Variants in ANKRD30BL observed in about 807,000 individuals in gnomAD.
ANKRD30BL encodes ankyrin repeat domain 30B like.
A neutral mutation model predicts 18.4 loss-of-function variants in ANKRD30BL; 20 were observed. The ratio of observed to expected loss-of-function variants is 1.09; its 90% CI spans 0.77 to 1.58. ANKRD30BL has a LOEUF of 1.58. Among genes scored for constraint, ANKRD30BL ranks in the 40% most tolerant of loss-of-function variants. The probability of loss-of-function intolerance (pLI) is 0.00; values close to 1 mark genes in which losing one functional copy is unlikely to be tolerated. For missense variants in ANKRD30BL, 224 were observed against 268.6 expected (o/e 0.83, Z 1.16); for synonymous variants, 72 against 100.9 (o/e 0.71, Z 1.72).
chr2:132,164,576 C>T (rs2104936486), upstream of ANKRD30BL, among the ~76,000 whole-genome samples: 1 of 151,518 alleles, frequency 6.6e-6, no homozygotes, highest in Non-Finnish European at 1.5e-5. Context: ...CAGATGTGAG[C>T]CACCACAGAA....
At chr2:132,250,997 G>A (rs11680134) in intron 1 of ANKRD30BL, among the ~76,000 whole-genome samples, 182 of 152,156 alleles carry the variant, frequency 1.2e-3, no homozygotes, top group African/African-American at 3.6e-3. Context: ...GGCACGTCAG[G>A]AAAAGGCTAA....
chr2:132,167,028 T>C (rs1168866644), intron 1 of ANKRD30BL, among the ~76,000 whole-genome samples: 3 of 151,138 alleles, frequency 2.0e-5, no homozygotes, highest in Non-Finnish European at 3.0e-5. Context: ...TGTTTAGTCT[T>C]CTTTTGGGAT....
At chr2:132,228,641 T>G (rs1436230142) in intron 1 of ANKRD30BL, among the ~76,000 whole-genome samples, 1 of 151,080 alleles carries the variant, frequency 6.6e-6, no homozygotes, top group Non-Finnish European at 1.5e-5. Flanking sequence ...GAAATTTCTT[T>G]GTGATGTGTG....
At chr2:132,203,358 G>A (rs1403498201) in intron 1 of ANKRD30BL, among the ~76,000 whole-genome samples, 2 of 152,126 alleles carry the variant, frequency 1.3e-5, no homozygotes, top group Non-Finnish European at 2.9e-5. Context: ...AAAGTGACTT[G>A]TAACTTTTAA....
chr2:132,235,347 G>A (rs142944714), intron 1 of ANKRD30BL, among the ~76,000 whole-genome samples: 8 of 152,236 alleles, frequency 5.3e-5, no homozygotes, highest in African/African-American at 1.4e-4. Context: ...GGGCAACTAG[G>A]CAGGAGAAGG....
intron 1 of ANKRD30BL, among the ~76,000 whole-genome samples, chr2:132,191,366 A>G (rs1462859395): frequency 2.6e-5 from 4 of 152,230 alleles, no homozygotes; most frequent in South Asian, 2.1e-4. Context: ...TAAAGCTGCT[A>G]TGTTCATTTG....
intron 1 of ANKRD30BL, among the ~76,000 whole-genome samples, chr2:132,234,880 C>A (rs1680113139): frequency 6.6e-6 from 1 of 151,998 alleles, no homozygotes; most frequent in African/African-American, 2.4e-5. Flanking sequence ...AGAGACACAA[C>A]CAAAAAAGAG....
chr2:132,225,254 C>CT (rs201350774), intron 1 of ANKRD30BL, among the ~76,000 whole-genome samples: 1 of 151,928 alleles, frequency 6.6e-6, no homozygotes. Context: ...GTTTGAAACA[C>CT]TTTTTTTGTA....
intron 1 of ANKRD30BL, among the ~76,000 whole-genome samples, chr2:132,220,571 G>A (rs1400488172): frequency 6.6e-6 from 1 of 151,854 alleles, no homozygotes; most frequent in Middle Eastern, 3.4e-3. Context: ...TCGCTGTGTT[G>A]GCCAGGCCGG....
intron 4 of ANKRD30BL, 26 bp downstream of exon 4, chr2:132,154,635 GT>G (rs1687849913): frequency 3.2e-6 from 2 of 616,012 alleles, no homozygotes; most frequent in African/African-American, 2.4e-5. Flanking sequence ...CTACTCAAGT[GT>G]TTTTTAATAA....
At chr2:132,155,829 G>T (rs1423631546) in intron 3 of ANKRD30BL, 4 of 147,894 alleles carry the variant, frequency 2.7e-5, no homozygotes, top group African/African-American at 1.0e-4. Context: ...AACCAGGGAG[G>T]CAAAGATTGC....
intron 1 of ANKRD30BL, among the ~76,000 whole-genome samples, chr2:132,204,013 A>G (rs1679160273): frequency 6.6e-6 from 1 of 152,230 alleles, no homozygotes; most frequent in Non-Finnish European, 1.5e-5. Context: ...AATGAGAGTT[A>G]TGGTTGTATA....
chr2:132,184,672 G>A (rs1472514037), intron 1 of ANKRD30BL, among the ~76,000 whole-genome samples: 3 of 151,824 alleles, frequency 2.0e-5, no homozygotes, highest in Admixed American at 6.6e-5. Flanking sequence ...ATATTCATAT[G>A]AAGAATGAAA....
intron 1 of ANKRD30BL, among the ~76,000 whole-genome samples, chr2:132,204,898 T>A (rs1434561963): frequency 7.9e-5 from 12 of 152,116 alleles, no homozygotes; most frequent in Non-Finnish European, 1.8e-4. Flanking sequence ...GTTGACATTT[T>A]AAAATATAGG....
At chr2:132,255,927 C>A (rs1420283678) in intron 1 of ANKRD30BL, among the ~76,000 whole-genome samples, 6 of 152,116 alleles carry the variant, frequency 3.9e-5, no homozygotes, top group Non-Finnish European at 8.8e-5. Context: ...GGCACCCGAC[C>A]CCCCGGCCGG....
intron 1 of ANKRD30BL, among the ~76,000 whole-genome samples, chr2:132,180,037 TAAAAG>T (rs1688435891): frequency 6.6e-6 from 1 of 152,162 alleles, no homozygotes. Flanking sequence ...TTATTATTGA[TAAAAG>T]AAAACAATTT....
chr2:132,251,642 T>C (rs1246288912), intron 1 of ANKRD30BL, among the ~76,000 whole-genome samples: 2 of 152,228 alleles, frequency 1.3e-5, no homozygotes, highest in African/African-American at 2.4e-5. Context: ...ATCTGTTTTA[T>C]GTTCTATTTG....
intron 1 of ANKRD30BL, among the ~76,000 whole-genome samples, chr2:132,230,748 C>T (rs1421842568): frequency 1.3e-5 from 2 of 152,166 alleles, no homozygotes; most frequent in Non-Finnish European, 2.9e-5. Context: ...ATTTGAAACA[C>T]TCTTTTTTTA....
intron 4 of ANKRD30BL, among the ~76,000 whole-genome samples, chr2:132,151,658 A>G (rs1687761355): frequency 1.3e-5 from 2 of 151,988 alleles, no homozygotes; most frequent in African/African-American, 4.8e-5. Flanking sequence ...AGGTTATAAT[A>G]TTCAAATATT....
Sources: allele counts gnomAD v4.1 joint callset (sites outside exome capture counted in the v4.1 genomes callset), GRCh38; gene constraint gnomAD v4.1.1; transcripts MANE v1.5; gene names NCBI Gene and HGNC (gene_info 2026-07-23, HGNC 2026-07-21).